The following BACH2 variants were observed in gnomAD, a reference collection of about 807,000 sequenced individuals.
The protein encoded by BACH2 is BACH transcriptional regulator 2, also known as transcription regulator protein BACH2.
BACH2 carries 5 observed loss-of-function variants against 61.8 expected under a neutral mutation model. The ratio of observed to expected loss-of-function variants is 0.08; its 90% CI spans 0.04 to 0.17. BACH2 has a LOEUF of 0.17. Among genes scored for constraint, BACH2 ranks in the 10% least tolerant of loss-of-function variants. The pLI, the probability that BACH2 is intolerant of heterozygous loss-of-function variation, is 1.00. For missense variants in BACH2, 824 were observed against 1,091.1 expected (o/e 0.76, Z 3.45); for synonymous variants, 446 against 440.1 (o/e 1.01, Z -0.17).
chr6:89,934,082 G>GT (rs1772858884), intron 8 of BACH2, among the ~76,000 whole-genome samples: 2 of 152,180 alleles, frequency 1.3e-5, no homozygotes, highest in African/African-American at 4.8e-5. Flanking sequence ...ATAGAACCCA[G>GT]TATCAGCAGG....
rs149121191 is a variant in BACH2 at position 90,119,874 on chromosome 6, G to A, written c.-161-30765C>T. On this transcript the variant is annotated intron_variant, in intron 4 of 8. Coordinates refer to ENST00000257749, the MANE Select transcript of BACH2 (RefSeq NM_021813.4). ...ACGCCAAATCTATCAAAATCAGAGA[G>A]TTGCTCTTGGTTTGTGTTGTCACAA... is the stretch of plus-strand genomic sequence containing the variant. 6.8e-3 allele frequency among the ~76,000 whole-genome samples: 1,035 copies of A among 152,298 alleles called. 5 individuals are homozygous for A. The highest frequency in any genetic ancestry group is 0.01 in the Non-Finnish European group (689 of 68,022).
At chr6:90,018,530 T>G (rs932642200) in intron 5 of BACH2, among the ~76,000 whole-genome samples, 8 of 152,212 alleles carry the variant, frequency 5.3e-5, no homozygotes, top group Admixed American at 1.3e-4. Flanking sequence ...ATAGTTGTTT[T>G]AGGAGAAAGG....
chr6:90,095,935 C>T (rs1230772617), intron 4 of BACH2, among the ~76,000 whole-genome samples: 2 of 152,170 alleles, frequency 1.3e-5, no homozygotes, highest in Admixed American at 1.3e-4. Flanking sequence ...TAAGGTCATA[C>T]TGCTGGAGAC....
chr6:90,065,270 CTTTTTTTTTTTTTTTT>C (rs71027920), intron 5 of BACH2, among the ~76,000 whole-genome samples: 3 of 52,648 alleles, frequency 5.7e-5, no homozygotes, highest in Non-Finnish European at 1.0e-4. Flanking sequence ...GCCGCCCCCA[CTTTTTTTTTTTTTTTT>C]TTTTTTTTTT....
At chr6:89,986,971 T>A (rs1776276634) in intron 6 of BACH2, among the ~76,000 whole-genome samples, 1 of 152,134 alleles carries the variant, frequency 6.6e-6, no homozygotes, top group African/African-American at 2.4e-5. Context: ...GCTTGATGGA[T>A]CAATGTTAAC....
intron 7 of BACH2, among the ~76,000 whole-genome samples, chr6:89,946,877 C>A (rs1461891664): frequency 2.0e-5 from 3 of 152,142 alleles, no homozygotes; most frequent in African/African-American, 7.2e-5. Flanking sequence ...AAGGATAATA[C>A]TGCGCTAATT....
rs1275251485 is a variant in BACH2 at position 90,167,571 on chromosome 6, T to C, written c.-162+38998A>G. On this transcript the variant is annotated intron_variant, in intron 4 of 8. Coordinates refer to ENST00000257749, the MANE Select transcript of BACH2 (RefSeq NM_021813.4). ...CAGGGTTTTACCATGTTGTCCAGGC[T>C]GGTCTCAAACACCTGACCTCAAGTG... Among the ~76,000 whole-genome samples the C allele has an allele frequency of 2.0e-5, 3 of 152,308 alleles. No homozygotes were observed. In the East Asian group the frequency reaches 5.8e-4, roughly 29 times the overall value.
At chr6:90,030,759 G>C (rs575711632) in intron 5 of BACH2, among the ~76,000 whole-genome samples, 7 of 151,796 alleles carry the variant, frequency 4.6e-5, no homozygotes, top group Non-Finnish European at 8.8e-5. Context: ...ATTCACAGCC[G>C]AATTCTACCA....
intron 1 of BACH2, among the ~76,000 whole-genome samples, chr6:90,285,578 T>C (rs1771995285): frequency 6.6e-6 from 1 of 152,132 alleles, no homozygotes. Flanking sequence ...TATCCAGAAA[T>C]GCTATGAATC....
chr6:90,228,979 A>G (rs1770004234), intron 3 of BACH2, among the ~76,000 whole-genome samples: 2 of 152,176 alleles, frequency 1.3e-5, no homozygotes, highest in Admixed American at 1.3e-4. Flanking sequence ...TGCCAGCTGA[A>G]ACGCAAGAGA....
At chr6:90,144,448 T>C (rs961938459) in intron 4 of BACH2, among the ~76,000 whole-genome samples, 3 of 152,150 alleles carry the variant, frequency 2.0e-5, no homozygotes, top group African/African-American at 7.2e-5. Context: ...AGACAGAGCA[T>C]TATCCCTGAG....
At chr6:90,287,133 G>T (rs1482819928) in intron 1 of BACH2, among the ~76,000 whole-genome samples, 1 of 152,070 alleles carries the variant, frequency 6.6e-6, no homozygotes, top group African/African-American at 2.4e-5. Flanking sequence ...AGGGTATGGT[G>T]GGGGAGAGGT....
intron 6 of BACH2, among the ~76,000 whole-genome samples, chr6:90,003,164 G>A (rs1777223504): frequency 6.6e-6 from 1 of 152,094 alleles, no homozygotes; most frequent in Non-Finnish European, 1.5e-5. Flanking sequence ...TGGCCAGCTC[G>A]TTCCAAAAAA....
intron 2 of BACH2, 103 bp downstream of exon 2, chr6:90,271,746 G>A (rs1262074815): frequency 6.6e-6 from 1 of 152,238 alleles, no homozygotes; most frequent in Non-Finnish European, 1.5e-5. Context: ...ATAGATGCTG[G>A]CGTGGATCTG....
intron 4 of BACH2, among the ~76,000 whole-genome samples, chr6:90,122,960 T>C (rs892215397): frequency 6.6e-6 from 1 of 152,236 alleles, no homozygotes; most frequent in Non-Finnish European, 1.5e-5. Flanking sequence ...TAGAATGTTT[T>C]GCTTAACTTC....
chr6:90,231,386 C>T (rs930842509), intron 3 of BACH2, among the ~76,000 whole-genome samples: 3 of 152,124 alleles, frequency 2.0e-5, no homozygotes, highest in African/African-American at 7.2e-5. Context: ...TTTAAAAATT[C>T]CCTCAATGTC....
rs555968170 is a variant in BACH2, at chr6:89,962,201, G to C, written c.244-10339C>G. Among the ~76,000 whole-genome samples, 256 of 152,154 alleles carry C rather than the reference G, an allele frequency of 1.7e-3. 3 individuals are homozygous for C. Among genetic ancestry groups the C allele is most frequent in the African/African-American group, 5.9e-3 (246 of 41,516 alleles). On this transcript the variant is annotated intron_variant, in intron 6 of 8. Coordinates refer to ENST00000257749, the MANE Select transcript of BACH2 (RefSeq NM_021813.4). ...ATCATATTATTCCCCCTGCAGTTTGGGGGCTTTACTTCATCCAGTCTGGGA... is the reference window on the plus strand; with the variant it reads ...ATCATATTATTCCCCCTGCAGTTTGCGGGCTTTACTTCATCCAGTCTGGGA...
intron 5 of BACH2, among the ~76,000 whole-genome samples, chr6:90,032,751 T>C (rs543067681): frequency 3.9e-5 from 6 of 152,290 alleles, no homozygotes; most frequent in African/African-American, 9.6e-5. Flanking sequence ...ACTTTTACAC[T>C]GTTGGTGGGA....
intron 4 of BACH2, among the ~76,000 whole-genome samples, chr6:90,176,697 C>A (rs977454085): frequency 3.3e-5 from 5 of 152,190 alleles, no homozygotes; most frequent in African/African-American, 1.2e-4. Context: ...AACATCATCA[C>A]TTCCAAATCA....
Sources: gnomAD v4.1 joint callset for allele counts (sites outside exome capture counted in the v4.1 genomes callset) on GRCh38, gnomAD v4.1.1 for gene constraint, MANE v1.5 for transcripts, NCBI Gene and HGNC (gene_info 2026-07-23, HGNC 2026-07-21) for gene names.